The following SMIM14 variants were observed in gnomAD, a reference collection of about 807,000 sequenced individuals.
The protein encoded by SMIM14 is small integral membrane protein 14.
Under a neutral mutation model 12.6 loss-of-function variants are expected in SMIM14, and 5 were observed. That is an observed-to-expected ratio of 0.40 (90% CI 0.21 to 0.83). The LOEUF (loss-of-function observed/expected upper bound fraction) is 0.83, where lower values mean the gene tolerates loss of function less well. Ranked by LOEUF, SMIM14 falls within the 40% of genes least tolerant of loss-of-function variation. The pLI is 0.37. For missense variants in SMIM14, 86 were observed against 119.1 expected, an observed-to-expected ratio of 0.72 and a Z score of 1.29; for synonymous variants, 30 against 40.1, an observed-to-expected ratio of 0.75 and a Z score of 0.95.
chr4:39,560,910 C>G (rs951442712), intron 3 of SMIM14, among the ~76,000 whole-genome samples: 15 of 152,134 alleles, frequency 9.9e-5, no homozygotes, highest in African/African-American at 3.6e-4. Flanking sequence ...ACTTTTAGCT[C>G]CATGTCCCCA....
At chr4:39,599,720 G>A (rs1714523553) in intron 2 of SMIM14, among the ~76,000 whole-genome samples, 1 of 151,944 alleles carries the variant, frequency 6.6e-6, no homozygotes, top group Middle Eastern at 3.4e-3. Context: ...ACAAGAGATC[G>A]AGACCATCCT....
At chr4:39,616,894 C>T (rs1715246914) in intron 1 of SMIM14, among the ~76,000 whole-genome samples, 1 of 151,986 alleles carries the variant, frequency 6.6e-6, no homozygotes, top group Non-Finnish European at 1.5e-5. Context: ...GTCAGAATTC[C>T]AGTATGCTCA....
At chr4:39,620,590 CT>C (rs1222294719) in intron 1 of SMIM14, among the ~76,000 whole-genome samples, 2 of 152,216 alleles carry the variant, frequency 1.3e-5, no homozygotes, top group Non-Finnish European at 2.9e-5. Flanking sequence ...TGGCCTCAGC[CT>C]CCCAAAGTGC....
intron 2 of SMIM14, among the ~76,000 whole-genome samples, chr4:39,582,569 C>A (rs1274887667): frequency 2.6e-5 from 4 of 151,312 alleles, no homozygotes; most frequent in Non-Finnish European, 2.9e-5. Context: ...GAGGCTGAGG[C>A]AGGAGAATCG....
intron 3 of SMIM14, among the ~76,000 whole-genome samples, chr4:39,564,637 C>A (rs1037873552): frequency 2.0e-5 from 3 of 152,094 alleles, no homozygotes; most frequent in African/African-American, 7.2e-5. Flanking sequence ...ATAAAGATAA[C>A]CTGAATGGAA....
At chr4:39,627,474 T>C (rs1715743306) in intron 1 of SMIM14, among the ~76,000 whole-genome samples, 1 of 151,978 alleles carries the variant, frequency 6.6e-6, no homozygotes, top group African/African-American at 2.4e-5. Context: ...TCACTTAGCC[T>C]TGTTGTGACT....
At chr4:39,562,895 A>G (rs1297036711) in intron 3 of SMIM14, among the ~76,000 whole-genome samples, 1 of 151,360 alleles carries the variant, frequency 6.6e-6, no homozygotes. Flanking sequence ...CCACCCACCT[A>G]AGCCTCGCAA....
intron 2 of SMIM14, among the ~76,000 whole-genome samples, chr4:39,585,245 T>C (rs1294409251): frequency 2.0e-5 from 3 of 152,030 alleles, no homozygotes; most frequent in African/African-American, 7.3e-5. Flanking sequence ...TCCATATTTC[T>C]ACATTATTTC....
intron 1 of SMIM14, among the ~76,000 whole-genome samples, chr4:39,609,868 G>A (rs1487363998): frequency 2.0e-5 from 3 of 152,322 alleles, no homozygotes; most frequent in Non-Finnish European, 2.9e-5. Context: ...GGGCTCCTTG[G>A]AGAATGATAT....
intron 3 of SMIM14, among the ~76,000 whole-genome samples, chr4:39,572,126 T>C (rs911520703): frequency 6.6e-6 from 1 of 152,010 alleles, no homozygotes; most frequent in African/African-American, 2.4e-5. Context: ...TATACTTATT[T>C]TATAATGTTC....
chr4:39,578,864 C>T (rs556656479), intron 2 of SMIM14, among the ~76,000 whole-genome samples: 8 of 151,794 alleles, frequency 5.3e-5, no homozygotes, highest in African/African-American at 1.4e-4. Flanking sequence ...GGCGTGGTGG[C>T]GCACACCTGT....
At chr4:39,569,402 T>C (rs926595243) in intron 3 of SMIM14, among the ~76,000 whole-genome samples, 2 of 152,190 alleles carry the variant, frequency 1.3e-5, no homozygotes, top group African/African-American at 4.8e-5. Context: ...ACAATTACCT[T>C]ACTGCGTCTT....
At chr4:39,619,679 ATTC>A in intron 1 of SMIM14, among the ~76,000 whole-genome samples, 1 of 122,458 alleles carries the variant, frequency 8.2e-6, no homozygotes, top group African/African-American at 3.2e-5. Context: ...AATATAATTT[ATTC>A]TATATATCAA....
chr4:39,623,203 G>A (rs779029425), intron 1 of SMIM14, among the ~76,000 whole-genome samples: 1 of 152,060 alleles, frequency 6.6e-6, no homozygotes, highest in Non-Finnish European at 1.5e-5. Context: ...ACCTGCCAAG[G>A]GGGGAGAGGT....
At chr4:39,562,554 T>C (rs1712363425) in intron 3 of SMIM14, among the ~76,000 whole-genome samples, 1 of 152,168 alleles carries the variant, frequency 6.6e-6, no homozygotes, top group Non-Finnish European at 1.5e-5. Context: ...AGTGGCACAA[T>C]CACAGCTCAC....
In SMIM14 at chr4:39,547,764, C is replaced by T. The variant is rs767755446; in HGVS notation, c.*4362G>A. The T allele has an allele frequency of 4.6e-5, 7 of 152,164 alleles. No homozygotes were observed. Among genetic ancestry groups the T allele is most frequent in the East Asian group, 1.9e-4 (1 of 5,202 alleles). 9.4% of individuals were successfully genotyped at this position (152,164 alleles called of 1,614,324 possible). ...ACTGGTAATTCCATAAACACTCCCA[C>T]ACCACATACCACAAAAACACTAAAA... On this transcript the variant is annotated 3_prime_UTR_variant, in exon 5 of 5. Coordinates refer to ENST00000295958, the MANE Select transcript of SMIM14 (RefSeq NM_174921.3).
intron 1 of SMIM14, among the ~76,000 whole-genome samples, chr4:39,606,623 G>A (rs1168627570): frequency 2.3e-5 from 3 of 128,084 alleles, no homozygotes; most frequent in African/African-American, 5.8e-5. Context: ...CCTGGCGACA[G>A]AGCAAGACTC....
At chr4:39,557,782 TG>T (rs1203242194) in intron 3 of SMIM14, among the ~76,000 whole-genome samples, 3 of 152,004 alleles carry the variant, frequency 2.0e-5, no homozygotes, top group African/African-American at 4.8e-5. Context: ...CACTCTCCTT[TG>T]GGGGGAAAAA....
In SMIM14 at chr4:39,599,022, G is replaced by A. The variant is rs575395712; in HGVS notation, c.75+6049C>T. 2.6e-5 allele frequency among the ~76,000 whole-genome samples: 4 copies of A among 152,186 alleles called. No homozygotes were observed. In the East Asian group the frequency reaches 7.7e-4, roughly 29 times the overall value. Reference sequence around the variant, plus strand: ...CTTTCTTGGCTTATGCCTTCATTTCGGTGAAAAATAGCTCATCCTCTAGGA... The same window carrying A: ...CTTTCTTGGCTTATGCCTTCATTTCAGTGAAAAATAGCTCATCCTCTAGGA... On this transcript the variant is annotated intron_variant, in intron 2 of 4. Coordinates refer to ENST00000295958, the MANE Select transcript of SMIM14 (RefSeq NM_174921.3).
Sources: gnomAD v4.1 joint callset for allele counts (sites outside exome capture counted in the v4.1 genomes callset) on GRCh38, gnomAD v4.1.1 for gene constraint, MANE v1.5 for transcripts, NCBI Gene and HGNC (gene_info 2026-07-23, HGNC 2026-07-21) for gene names.